The following KDM4C variants were observed in gnomAD, a reference collection of about 807,000 sequenced individuals.
The protein encoded by KDM4C is lysine demethylase 4C, also known as lysine-specific demethylase 4C.
A neutral mutation model predicts 129.3 loss-of-function variants in KDM4C; 81 were observed. The observed-to-expected ratio is 0.63, with a 90% CI of 0.52 to 0.75. KDM4C has a LOEUF of 0.75. Among genes scored for constraint, KDM4C ranks in the 30% least tolerant of loss-of-function variants. The pLI is 0.00. For synonymous variants in KDM4C, 573 were observed against 456.1 expected, an observed-to-expected ratio of 1.26 and a Z score of -3.26; for missense variants, 1,457 against 1,304.0, an observed-to-expected ratio of 1.12 and a Z score of -1.81.
In KDM4C at chr9:6,849,634, C is replaced by G; in HGVS notation, c.563C>G (p.Ala188Gly). 1 of 1,613,796 alleles carries G rather than the reference C, an allele frequency of 6.2e-7. No individual in the cohort carries two copies. The highest frequency in any genetic ancestry group is 8.5e-7 in the Non-Finnish European group (1 of 1,179,760). The change falls in exon 5 of 22, where the codon GCA (alanine) becomes GGA (glycine). Residue 188 changes from alanine to glycine, a missense_variant. Coordinates refer to ENST00000381309, the MANE Select transcript of KDM4C (RefSeq NM_015061.6). ...TTTGGCATGTGGAAGACCACGTTTGCATGGCACACCGAAGACATGGACCTC... is the reference window on the plus strand; with the variant it reads ...TTTGGCATGTGGAAGACCACGTTTGGATGGCACACCGAAGACATGGACCTC... ...LYFGMWKTTF[A>G]WHTEDMDLYS...
chr9:6,762,953 C>A (rs1819856494), intron 1 of KDM4C, among the ~76,000 whole-genome samples: 1 of 152,026 alleles, frequency 6.6e-6, no homozygotes, highest in South Asian at 2.1e-4. Context: ...AGCCACCACA[C>A]CCGGCCAGGT....
Position 6,724,780 on chromosome 9 carries a change from C to T in KDM4C, c.49+3783C>T, listed in dbSNP as rs562772215. Among the ~76,000 whole-genome samples the T allele has an allele frequency of 2.5e-3, 382 of 152,288 alleles. 3 individuals carry two copies. The highest frequency in any genetic ancestry group is 0.02 in the Middle Eastern group (6 of 294). On this transcript the variant is annotated intron_variant, in intron 1 of 17. Transcript: ENST00000536108. ...TCTTGACCTCGTGATCTGCCCACCT[C>T]GGCCTCCCAAAGTGCTGGGATTATA...
chr9:6,886,738 C>T (rs1216604629), intron 6 of KDM4C, among the ~76,000 whole-genome samples: 4 of 152,002 alleles, frequency 2.6e-5, no homozygotes, highest in Non-Finnish European at 2.9e-5. Flanking sequence ...GTGGACCACC[C>T]GCCTCAGCCT....
At chr9:6,944,234 T>A (rs1054975387) in intron 8 of KDM4C, among the ~76,000 whole-genome samples, 2 of 152,228 alleles carry the variant, frequency 1.3e-5, no homozygotes, top group Admixed American at 1.3e-4. Context: ...TTTGAACTTA[T>A]GCCAGATTCA....
chr9:7,090,630 C>T (rs1835683191), intron 17 of KDM4C, among the ~76,000 whole-genome samples: 1 of 152,158 alleles, frequency 6.6e-6, no homozygotes, highest in Non-Finnish European at 1.5e-5. Flanking sequence ...GAATGGACTG[C>T]TTGTGTTTAT....
At chr9:7,103,595 T>C (rs1837347116) in intron 17 of KDM4C, 90 bp from the exon 18 acceptor site, 8 of 952,902 alleles carry the variant, frequency 8.4e-6, no homozygotes, top group Middle Eastern at 3.1e-4. Context: ...TTTTTTTTTT[T>C]CTTCTCTAGT....
In KDM4C at chr9:7,068,686, CTTTTT is replaced by C. The variant is rs542039227; in HGVS notation, c.2424+19509_2424+19513del. 4.1e-4 allele frequency among the ~76,000 whole-genome samples: 42 copies of C among 101,764 alleles called. 3 individuals carry two copies. Among genetic ancestry groups the C allele is most frequent in the Admixed American group, 1.0e-3 (9 of 8,962 alleles). The allele number at this position is 101,764 out of a possible 152,430, so 66.8% of individuals were successfully genotyped here. A position where few individuals can be genotyped will look rare whatever the true frequency, so the allele number is the denominator to read the frequency against. The stretch of plus-strand genomic sequence containing the variant: ...TTCATACATGTTTATGATGCCCTTT[CTTTTT>C]TTTTTTTTTTTTTTTTTTTTTTGAA... On this transcript the variant is annotated intron_variant, in intron 17 of 21. Transcript: ENST00000381309.
chr9:6,812,367 C>T (rs1831317277), intron 3 of KDM4C, among the ~76,000 whole-genome samples: 1 of 152,182 alleles, frequency 6.6e-6, no homozygotes, highest in Admixed American at 6.5e-5. Context: ...AACAGCATCT[C>T]TGCTATCTTC....
intron 8 of KDM4C, among the ~76,000 whole-genome samples, chr9:6,957,742 G>C (rs1344016311): frequency 1.3e-5 from 2 of 152,068 alleles, no homozygotes; most frequent in African/African-American, 4.8e-5. Context: ...TGGTGGGGAG[G>C]GGGTGAAAAC....
chr9:6,791,971 G>A (rs1260851820), intron 1 of KDM4C, among the ~76,000 whole-genome samples: 1 of 152,186 alleles, frequency 6.6e-6, no homozygotes, highest in East Asian at 1.9e-4. Context: ...GTGGTGTGCC[G>A]AGATTGCGCC....
intron 19 of KDM4C, among the ~76,000 whole-genome samples, chr9:7,155,319 CT>C (rs1312021683): frequency 6.6e-6 from 1 of 151,910 alleles, no homozygotes; most frequent in Non-Finnish European, 1.5e-5. Flanking sequence ...ATTTTTAGAC[CT>C]TTTGATATAC....
intron 1 of KDM4C, among the ~76,000 whole-genome samples, chr9:6,741,391 T>C (rs1342229162): frequency 6.6e-6 from 1 of 152,008 alleles, no homozygotes; most frequent in African/African-American, 2.4e-5. Context: ...CGAGACTCTA[T>C]CTCAAAAAAC....
At chr9:7,114,362 G>A (rs1159600813) in intron 18 of KDM4C, among the ~76,000 whole-genome samples, 5 of 152,164 alleles carry the variant, frequency 3.3e-5, no homozygotes, top group Middle Eastern at 3.2e-3. Context: ...GTTCTGATAT[G>A]TATATGGGTA....
Position 6,849,566 on chromosome 9 carries a change from G to C in KDM4C, c.495G>C (p.Glu165Asp). Residue 165 changes from glutamate (E) to aspartate (D), a missense_variant, in exon 5 of 22, where the codon GAG (glutamate) becomes GAC (aspartate). By Grantham distance (45) the Glu-to-Asp change is conservative. Transcript: ENST00000381309. ...CAGTCTTGGATGTGGTTGAAGAAGA[G>C]TGTGGCATTTCTATTGAGGGTGTAA... ...LNTVLDVVEE[E>D]CGISIEGVNT... The C allele has an allele frequency of 6.2e-7, 1 of 1,613,782 alleles. No homozygotes were observed. The highest frequency in any genetic ancestry group is 1.3e-5 in the African/African-American group (1 of 75,014).
At chr9:6,997,530 A>G (rs548116770) in intron 12 of KDM4C, among the ~76,000 whole-genome samples, 4 of 152,336 alleles carry the variant, frequency 2.6e-5, no homozygotes, top group Admixed American at 2.6e-4. Context: ...TAAGTGAGAA[A>G]TTTAAAATGC....
intron 1 of KDM4C, among the ~76,000 whole-genome samples, chr9:6,725,121 C>T (rs1405054018): frequency 6.6e-6 from 1 of 152,146 alleles, no homozygotes; most frequent in African/African-American, 2.4e-5. Context: ...AGTCAAATCT[C>T]TCTCTGCCTT....
chr9:6,887,839 G>C (rs1176345686), intron 6 of KDM4C, 121 bp from the exon 7 acceptor site: 2 of 636,078 alleles, frequency 3.1e-6, no homozygotes, highest in Non-Finnish European at 2.8e-6. Context: ...CTTTTTGGCA[G>C]AAGAGGTCCA....
chr9:6,861,444 A>G (rs1840904602), intron 5 of KDM4C, among the ~76,000 whole-genome samples: 1 of 152,242 alleles, frequency 6.6e-6, no homozygotes, highest in South Asian at 2.1e-4. Flanking sequence ...TAGTACAGTC[A>G]TGCATCCTGT....
At chr9:6,737,588 CGA>C (rs1817564884) in intron 1 of KDM4C, among the ~76,000 whole-genome samples, 1 of 144,772 alleles carries the variant, frequency 6.9e-6, no homozygotes, top group South Asian at 2.1e-4. Context: ...CGCTTGAACC[CGA>C]GAGGCAGAGG....
Sources: gnomAD v4.1 joint callset for allele counts (sites outside exome capture counted in the v4.1 genomes callset) on GRCh38, gnomAD v4.1.1 for gene constraint, MANE v1.5 for transcripts, NCBI Gene and HGNC (gene_info 2026-07-23, HGNC 2026-07-21) for gene names.